CADM2: variants seen among roughly 807,000 people sequenced by gnomAD.
The protein encoded by CADM2 is cell adhesion molecule 2, also known as immunoglobulin superfamily member 4D.
In CADM2, 12 loss-of-function variants were observed where a neutral mutation model predicts 49.8. That is an observed-to-expected ratio of 0.24 (90% CI 0.15 to 0.39). The LOEUF (loss-of-function observed/expected upper bound fraction) is 0.39, where lower values mean the gene tolerates loss of function less well. Among genes scored for constraint, CADM2 ranks in the 10% least tolerant of loss-of-function variants. CADM2 has a pLI of 1.00. For missense variants in CADM2, 378 were observed against 492.3 expected (o/e 0.77, Z 2.20); for synonymous variants, 214 against 175.4 (o/e 1.22, Z -1.74).
chr3:84,971,960 A>T (rs2031476390), intron 1 of CADM2, among the ~76,000 whole-genome samples: 1 of 152,054 alleles, frequency 6.6e-6, no homozygotes, highest in African/African-American at 2.4e-5. Flanking sequence ...AGTGGTAGTG[A>T]GATTGGTCTG....
intron 8 of CADM2, among the ~76,000 whole-genome samples, chr3:86,003,608 A>G (rs377324004): frequency 6.6e-6 from 1 of 152,352 alleles, no homozygotes; most frequent in Non-Finnish European, 1.5e-5. Context: ...AAACTTATCT[A>G]TTAGTATTAC....
chr3:85,051,605 T>C (rs536219848), intron 1 of CADM2, among the ~76,000 whole-genome samples: 24 of 152,270 alleles, frequency 1.6e-4, no homozygotes, highest in African/African-American at 5.8e-4. Flanking sequence ...CCAATGAATT[T>C]ATTTAAGTGC....
chr3:85,374,884 G>A (rs2033492943), intron 1 of CADM2, among the ~76,000 whole-genome samples: 1 of 152,056 alleles, frequency 6.6e-6, no homozygotes, highest in Non-Finnish European at 1.5e-5. Flanking sequence ...AGGAGCTACA[G>A]TTCAAGATGA....
chr3:85,598,497 A>T (rs1485425526), intron 1 of CADM2, among the ~76,000 whole-genome samples: 2 of 152,016 alleles, frequency 1.3e-5, no homozygotes, highest in African/African-American at 2.4e-5. Flanking sequence ...AGTCTGTTCC[A>T]ATATTCTACG....
intron 1 of CADM2, among the ~76,000 whole-genome samples, chr3:85,414,741 T>C (rs1352693147): frequency 6.6e-6 from 1 of 152,176 alleles, no homozygotes; most frequent in Non-Finnish European, 1.5e-5. Context: ...CTCAAGCTTT[T>C]TACATTTCCA....
At chr3:85,551,574 T>G (rs1198777055) in intron 1 of CADM2, among the ~76,000 whole-genome samples, 1 of 152,172 alleles carries the variant, frequency 6.6e-6, no homozygotes, top group Non-Finnish European at 1.5e-5. Context: ...AAATTGATAT[T>G]TTGTCTTTTC....
intron 1 of CADM2, among the ~76,000 whole-genome samples, chr3:85,342,047 A>G (rs915276758): frequency 1.3e-5 from 2 of 152,202 alleles, no homozygotes; most frequent in Admixed American, 1.3e-4. Context: ...CTGAACAGCA[A>G]AAGAAACTAT....
intron 1 of CADM2, among the ~76,000 whole-genome samples, chr3:85,346,253 A>G (rs2030633722): frequency 6.6e-6 from 1 of 152,190 alleles, no homozygotes; most frequent in South Asian, 2.1e-4. Flanking sequence ...GTTGCCATGA[A>G]ATTTTCACAC....
chr3:85,329,302 CGA>C (rs1553709511), intron 1 of CADM2, among the ~76,000 whole-genome samples: 1 of 151,168 alleles, frequency 6.6e-6, no homozygotes, highest in Non-Finnish European at 1.5e-5. Flanking sequence ...TTTCGGAGGC[CGA>C]GGGAGGAAGA....
intron 1 of CADM2, among the ~76,000 whole-genome samples, chr3:85,451,412 T>C (rs974317516): frequency 2.0e-5 from 3 of 152,072 alleles, no homozygotes; most frequent in Non-Finnish European, 2.9e-5. Context: ...CCATTCATAG[T>C]TTCTATTTTT....
intron 2 of CADM2, among the ~76,000 whole-genome samples, chr3:85,761,457 A>G (rs2069377866): frequency 6.8e-6 from 1 of 147,088 alleles, no homozygotes; most frequent in African/African-American, 2.6e-5. Flanking sequence ...GCTCGCTGCA[A>G]CCTGCACCTC....
intron 1 of CADM2, among the ~76,000 whole-genome samples, chr3:85,368,379 G>A (rs958016668): frequency 6.6e-6 from 1 of 152,038 alleles, no homozygotes; most frequent in Non-Finnish European, 1.5e-5. Context: ...AGTGGGCTAA[G>A]CATTGCGTGG....
chr3:86,028,704 C>T (rs1432110668), intron 8 of CADM2, among the ~76,000 whole-genome samples: 1 of 152,078 alleles, frequency 6.6e-6, no homozygotes, highest in African/African-American at 2.4e-5. Context: ...AAGGAAAGGC[C>T]ATCACCTTTG....
At chr3:85,025,922 G>T (rs1161718047) in intron 1 of CADM2, among the ~76,000 whole-genome samples, 1 of 151,962 alleles carries the variant, frequency 6.6e-6, no homozygotes, top group Admixed American at 6.6e-5. Flanking sequence ...GTCCATAAAC[G>T]TGAAATGCCA....
intron 8 of CADM2, among the ~76,000 whole-genome samples, chr3:86,041,606 G>C (rs1578035995): frequency 6.6e-6 from 1 of 152,048 alleles, no homozygotes; most frequent in South Asian, 2.1e-4. Context: ...CCCACAAAGA[G>C]ACTTAGACTC....
At chr3:85,849,541 C>T (rs535363699) in intron 3 of CADM2, among the ~76,000 whole-genome samples, 1 of 152,114 alleles carries the variant, frequency 6.6e-6, no homozygotes, top group Non-Finnish European at 1.5e-5. Context: ...AATTTAACAT[C>T]GTGAATGTAA....
At chr3:85,702,014 A>AGTT (rs1351243494) in intron 1 of CADM2, among the ~76,000 whole-genome samples, 3 of 149,316 alleles carry the variant, frequency 2.0e-5, no homozygotes, top group African/African-American at 4.9e-5. Flanking sequence ...ATAGATAGAT[A>AGTT]GATAGTTGAT....
chr3:85,795,275 G>A (rs768623235), intron 2 of CADM2, among the ~76,000 whole-genome samples: 1 of 152,106 alleles, frequency 6.6e-6, no homozygotes, highest in Non-Finnish European at 1.5e-5. Flanking sequence ...AGATAAAGTA[G>A]CAGCTAACTC....
intron 1 of CADM2, 48 bp downstream of exon 1, chr3:84,959,716 C>T (rs764331850): frequency 1.2e-4 from 180 of 1,487,480 alleles, no homozygotes; most frequent in Admixed American, 1.1e-3. Flanking sequence ...GCCCATTCCC[C>T]ATCTTCCCCA....
Sources: allele counts gnomAD v4.1 joint callset (sites outside exome capture counted in the v4.1 genomes callset), GRCh38; gene constraint gnomAD v4.1.1; transcripts MANE v1.5; gene names NCBI Gene and HGNC (gene_info 2026-07-23, HGNC 2026-07-21).